Variants in EXOC2 observed in about 807,000 individuals in gnomAD.
EXOC2 encodes the protein SEC5-like 1.
EXOC2 carries 70 observed loss-of-function variants against 131.8 expected under a neutral mutation model. The observed-to-expected ratio is 0.53, with a 90% CI of 0.44 to 0.65. The LOEUF is 0.65. Ranked by LOEUF, EXOC2 falls within the 30% of genes least tolerant of loss-of-function variation. EXOC2 has a pLI of 0.00. For synonymous variants in EXOC2, 411 were observed against 398.4 expected, an observed-to-expected ratio of 1.03 and a Z score of -0.38; for missense variants, 923 against 1,108.6, an observed-to-expected ratio of 0.83 and a Z score of 2.38.
rs759049307 is a variant in EXOC2, at chr6:615,182, G to GGGGTGT, written c.661+2528_661+2529insACACCC. On this transcript the variant is annotated intron_variant, in intron 6 of 27. Transcript: ENST00000230449. ...GGTTTGAAAAGTATATGTGGGTGTG[G>GGGGTGT]GTGTGTGTGTGTGTGTGTGTGTGTG... is the stretch of plus-strand genomic sequence containing the variant. Among the ~76,000 whole-genome samples the GGGGTGT allele has an allele frequency of 7.5e-3, 907 of 121,104 alleles. 7 individuals are homozygous for GGGGTGT. Among genetic ancestry groups the GGGGTGT allele is most frequent in the Middle Eastern group, 0.027 (6 of 220 alleles). The allele number at this position is 121,104 out of a possible 152,430, so 79.4% of individuals were successfully genotyped here. A position where few individuals can be genotyped will look rare whatever the true frequency, so the allele number is the denominator to read the frequency against.
chr6:537,580 A>C (rs1050843746), intron 22 of EXOC2, among the ~76,000 whole-genome samples: 1 of 152,246 alleles, frequency 6.6e-6, no homozygotes, highest in African/African-American at 2.4e-5. Context: ...TGCCACGACC[A>C]GCTATTGTAC....
rs201297797 is a variant in EXOC2 at position 541,479 on chromosome 6, A to AT, written c.2238+7695dup. On this transcript the variant is annotated intron_variant, in intron 22 of 27. Coordinates refer to ENST00000230449, the MANE Select transcript of EXOC2 (RefSeq NM_018303.6). The stretch of plus-strand genomic sequence containing the variant: ...GAGAGCACTACTAAAGTCAAAAGTT[A>AT]TTCTCTGAAAAAGACTCTGGCAAGA... 4.3e-4 allele frequency among the ~76,000 whole-genome samples: 66 copies of AT among 152,332 alleles called. 1 individual carries two copies. The East Asian group carries it at 0.012, about 28-fold the overall frequency.
chr6:666,366 A>G (rs920175713), intron 1 of EXOC2, among the ~76,000 whole-genome samples: 1 of 149,030 alleles, frequency 6.7e-6, no homozygotes, highest in African/African-American at 2.5e-5. Context: ...ATACTGATGC[A>G]AAATTGAGCA....
chr6:564,829 G>A (rs916564195), intron 14 of EXOC2, 35 bp downstream of exon 14: 2 of 1,595,088 alleles, frequency 1.3e-6, no homozygotes, highest in Non-Finnish European at 1.7e-6. Flanking sequence ...ACCCTACCCT[G>A]TGAAAAGGTC....
chr6:561,857 T>C (rs1357224841), intron 17 of EXOC2, among the ~76,000 whole-genome samples: 1 of 152,208 alleles, frequency 6.6e-6, no homozygotes, highest in South Asian at 2.1e-4. Context: ...GCTGGGATTA[T>C]AGGCGTGAGC....
At chr6:656,264 C>G (rs984767252) in intron 1 of EXOC2, 11 of 1,614,130 alleles carry the variant, frequency 6.8e-6, no homozygotes, top group Admixed American at 1.7e-5. Flanking sequence ...CCCGCACTTG[C>G]ACCATGCTCT....
intron 11 of EXOC2, 134 bp downstream of exon 11, chr6:592,335 A>G (rs2127628111): frequency 1.3e-6 from 1 of 766,954 alleles, no homozygotes; most frequent in East Asian, 2.6e-5. Flanking sequence ...CAAAAAAACC[A>G]CAAAACAAGC....
rs140296352 is a variant in EXOC2 at position 572,556 on chromosome 6, G to A, written c.1407C>T (p.Leu469=). 4.5e-5 allele frequency: 73 copies of A among 1,614,186 alleles called. 1 individual carries two copies. The African/African-American group carries it at 8.7e-4, about 19-fold the overall frequency. The change falls in exon 13 of 28, where the codon CTC becomes CTT. Residue 469 remains leucine (L), a synonymous_variant. Transcript: ENST00000230449. ...GGCTTCCATTAACGTAGGAGATCCA[G>A]AGTTTCCAGAAGTTAGGCAGCTGGC... is the stretch of plus-strand genomic sequence containing the variant. ...VLSQLPNFWK[L]WISYVNGSLF...
chr6:598,737 A>G (rs1003108845), intron 9 of EXOC2, 123 bp downstream of exon 9: 4 of 721,090 alleles, frequency 5.5e-6, no homozygotes, highest in Admixed American at 3.1e-5. Context: ...ATTGCTTTAC[A>G]TTGTAAAGAG....
chr6:507,512 T>C (rs1374026764), intron 23 of EXOC2, among the ~76,000 whole-genome samples: 1 of 152,106 alleles, frequency 6.6e-6, no homozygotes, highest in Non-Finnish European at 1.5e-5. Flanking sequence ...AGCAAATGCA[T>C]GAAATACAAT....
intron 22 of EXOC2, among the ~76,000 whole-genome samples, chr6:539,341 T>C (rs1264342842): frequency 6.6e-6 from 1 of 152,238 alleles, no homozygotes; most frequent in African/African-American, 2.4e-5. Context: ...GCCAGCGCCC[T>C]GCCACCTTAG....
intron 22 of EXOC2, among the ~76,000 whole-genome samples, chr6:541,481 T>C (rs1421268772): frequency 2.6e-5 from 4 of 152,064 alleles, no homozygotes; most frequent in African/African-American, 9.7e-5. Flanking sequence ...CAAAAGTTAT[T>C]CTCTGAAAAA....
intron 12 of EXOC2, among the ~76,000 whole-genome samples, chr6:575,515 C>A (rs1416405911): frequency 6.6e-6 from 1 of 152,142 alleles, no homozygotes; most frequent in Non-Finnish European, 1.5e-5. Context: ...CCCTCTCCAT[C>A]CTCTCCCTCG....
Position 592,571 on chromosome 6 carries a change from G to A in EXOC2, c.1090C>T (p.His364Tyr), listed in dbSNP as rs1262045812. 1.2e-6 allele frequency: 2 copies of A among 1,613,988 alleles called. No individual in the cohort carries two copies. The highest frequency in any genetic ancestry group is 1.3e-5 in the African/African-American group (1 of 74,940). ...KRYIRYLSDL[H>Y]ASGDPAWQCI... is the part of the protein sequence containing the mutation. ...TGCCAAGCAGGGTCACCAGACGCAT[G>A]AAGGTCAGACAGGTACCTGAAAAAG... Residue 364 changes from histidine to tyrosine, a missense_variant, in exon 11 of 28, where the codon CAT becomes TAT. His to Tyr is a moderately conservative substitution (Grantham distance 83). Transcript: ENST00000230449.
intron 1 of EXOC2, among the ~76,000 whole-genome samples, chr6:688,166 T>C (rs1764751609): frequency 6.6e-6 from 1 of 151,990 alleles, no homozygotes; most frequent in Non-Finnish European, 1.5e-5. Context: ...TTGCTAAGAG[T>C]GTGTGTAAAT....
At chr6:525,796 C>T (rs1311351329) in intron 23 of EXOC2, among the ~76,000 whole-genome samples, 1 of 152,038 alleles carries the variant, frequency 6.6e-6, no homozygotes, top group African/African-American at 2.4e-5. Flanking sequence ...GATACATTGT[C>T]TTTTTCAATA....
At chr6:562,948 G>T in intron 16 of EXOC2, 103 bp from the exon 17 acceptor site, 2 of 787,026 alleles carry the variant, frequency 2.5e-6, no homozygotes, top group Non-Finnish European at 3.7e-6. Flanking sequence ...GTTTTATATA[G>T]GTTTGTAAAA....
intron 5 of EXOC2, 85 bp downstream of exon 5, chr6:619,345 A>T (rs958750355): frequency 2.1e-5 from 23 of 1,095,188 alleles, no homozygotes; most frequent in Non-Finnish European, 2.8e-5. Flanking sequence ...ATGCAGAGCC[A>T]GACCTAAAAC....
At chr6:546,590 AC>A (rs1316269177) in intron 22 of EXOC2, among the ~76,000 whole-genome samples, 1 of 152,036 alleles carries the variant, frequency 6.6e-6, no homozygotes, top group Non-Finnish European at 1.5e-5. Context: ...AGCAAGACCA[AC>A]CCCTCCTCTT....
Sources: allele counts gnomAD v4.1 joint callset (sites outside exome capture counted in the v4.1 genomes callset), GRCh38; gene constraint gnomAD v4.1.1; transcripts MANE v1.5; gene names NCBI Gene and HGNC (gene_info 2026-07-23, HGNC 2026-07-21).